The following GPBP1L1 variants were observed in gnomAD, a reference collection of about 807,000 sequenced individuals.
The protein encoded by GPBP1L1 is vasculin-like protein 1.
In GPBP1L1, 23 loss-of-function variants were observed where a neutral mutation model predicts 52.5. The ratio of observed to expected loss-of-function variants is 0.44; its 90% CI spans 0.32 to 0.62. The LOEUF is 0.62. GPBP1L1 is among the 20% of genes least tolerant of loss of function. The pLI, the probability that GPBP1L1 is intolerant of heterozygous loss-of-function variation, is 0.06. For synonymous variants in GPBP1L1, 243 were observed against 203.1 expected (o/e 1.20, Z -1.67); for missense variants, 596 against 579.3 (o/e 1.03, Z -0.30).
At chr1:45,673,043 A>G (rs1172710623) in intron 2 of GPBP1L1, among the ~76,000 whole-genome samples, 3 of 152,240 alleles carry the variant, frequency 2.0e-5, no homozygotes, top group Non-Finnish European at 2.9e-5. Flanking sequence ...TAAGTTTTTT[A>G]CTGCACTGAT....
At chr1:45,631,157 C>A (rs1362261861) in intron 10 of GPBP1L1, among the ~76,000 whole-genome samples, 2 of 151,466 alleles carry the variant, frequency 1.3e-5, no homozygotes, top group Non-Finnish European at 2.9e-5. Context: ...AAATGGGTCA[C>A]AGACCTAAAT....
At chr1:45,640,495 AG>A (rs1454617650) in intron 7 of GPBP1L1, 92 bp from the exon 8 acceptor site, 1 of 995,468 alleles carries the variant, frequency 1.0e-6, no homozygotes, top group Non-Finnish European at 1.6e-6. Context: ...TCAACAAAAC[AG>A]CTGACAGTTG....
At chr1:45,657,686 AC>A (rs1304546286) in intron 4 of GPBP1L1, among the ~76,000 whole-genome samples, 1 of 152,070 alleles carries the variant, frequency 6.6e-6, no homozygotes, top group Admixed American at 6.6e-5. Context: ...CCCTATCTCT[AC>A]AAAAAACCCA....
At chr1:45,630,783 A>G in intron 10 of GPBP1L1, 177 bp from the exon 11 acceptor site, 2 of 619,606 alleles carry the variant, frequency 3.2e-6, no homozygotes, top group Non-Finnish European at 2.8e-6. Context: ...AACTGATTCT[A>G]AAGTTTTAAT....
chr1:45,672,630 C>T (rs1645087626), intron 2 of GPBP1L1, among the ~76,000 whole-genome samples: 1 of 152,096 alleles, frequency 6.6e-6, no homozygotes, highest in Non-Finnish European at 1.5e-5. Flanking sequence ...GAAATACAGA[C>T]TGTAGACCAA....
At position 45,629,639 on chromosome 1, in the gene GPBP1L1, A is replaced by T; in HGVS notation, c.1209T>A (p.Asn403Lys). The T allele has an allele frequency of 6.2e-7, 1 of 1,613,338 alleles. No homozygotes were observed. The highest frequency in any genetic ancestry group is 8.5e-7 in the Non-Finnish European group (1 of 1,179,368). ...CTGTGAGGGGAAGGCAATTCTCATC[A>T]TTTTCAGGATATTCCTGCCAACCCA... The part of the protein sequence containing the change: ...KAMGWQEYPE[N>K]DENCLPLTED... The change falls in exon 12 of 13, where the codon AAT (asparagine) becomes AAA (lysine). Residue 403 changes from asparagine to lysine, a missense_variant. Coordinates refer to ENST00000355105, the MANE Select transcript of GPBP1L1 (RefSeq NM_021639.5).
chr1:45,664,876 G>A (rs369923892), intron 2 of GPBP1L1, among the ~76,000 whole-genome samples: 7 of 152,040 alleles, frequency 4.6e-5, no homozygotes, highest in African/African-American at 1.7e-4. Flanking sequence ...ATAGAGTTTC[G>A]CCATGTTAGC....
intron 6 of GPBP1L1, among the ~76,000 whole-genome samples, chr1:45,650,204 C>T (rs1312746336): frequency 6.6e-6 from 1 of 152,176 alleles, no homozygotes; most frequent in Non-Finnish European, 1.5e-5. Context: ...AGGTTTCAAA[C>T]ACATCCAAGT....
intron 8 of GPBP1L1, among the ~76,000 whole-genome samples, chr1:45,639,323 G>A (rs1395410618): frequency 1.3e-5 from 2 of 152,158 alleles, no homozygotes; most frequent in African/African-American, 4.8e-5. Context: ...AGCATAGAGA[G>A]AATAACAGGG....
In GPBP1L1 at chr1:45,630,876, C is replaced by T. The variant is rs534784437; in HGVS notation, c.1045-270G>A. On this transcript the variant is annotated intron_variant, in intron 10 of 12. Coordinates refer to ENST00000355105, the MANE Select transcript of GPBP1L1 (RefSeq NM_021639.5). The stretch of plus-strand genomic sequence containing the variant: ...TGATATTACCTGACATCAAGACTTA[C>T]CACAAAAGCTGGAGTAATTAAAACA... The T allele has an allele frequency of 7.1e-5, 28 of 395,410 alleles. No individual in the cohort carries two copies. In the Admixed American group the frequency reaches 1.1e-3, roughly 16 times the overall value. The allele number at this position is 395,410 out of a possible 1,614,324, so 24.5% of individuals were successfully genotyped here. A position where few individuals can be genotyped will look rare whatever the true frequency, so the allele number is the denominator to read the frequency against.
chr1:45,643,890 G>T (rs964985595), intron 6 of GPBP1L1, among the ~76,000 whole-genome samples: 1 of 151,802 alleles, frequency 6.6e-6, no homozygotes, highest in Admixed American at 6.6e-5. Context: ...GGCTGGTCTC[G>T]AACTGACCTC....
intron 2 of GPBP1L1, among the ~76,000 whole-genome samples, chr1:45,673,791 A>G (rs1557720563): frequency 6.6e-6 from 1 of 152,290 alleles, no homozygotes; most frequent in East Asian, 1.9e-4. Context: ...TCCGGGAGAC[A>G]GAGGTTGCAC....
Position 45,628,182 on chromosome 1 carries a change from G to GA in GPBP1L1, c.*73dup, listed in dbSNP as rs1307888452. 5.1e-6 allele frequency: 7 copies of GA among 1,381,620 alleles called. No homozygotes were observed. The highest frequency in any genetic ancestry group is 7.1e-6 in the Non-Finnish European group (7 of 991,324). 85.6% of individuals were successfully genotyped at this position (1,381,620 alleles called of 1,614,324 possible). A position where few individuals can be genotyped will look rare whatever the true frequency, so the allele number is the denominator to read the frequency against. ...ATTCAACAACATAAGAAAAGGAAAA[G>GA]AACGATTTCTTTTGTATACTCCCTA... On this transcript the variant is annotated 3_prime_UTR_variant, in exon 13 of 13. Transcript: ENST00000355105.
At chr1:45,682,226 T>C (rs934280621) in intron 2 of GPBP1L1, among the ~76,000 whole-genome samples, 7 of 152,204 alleles carry the variant, frequency 4.6e-5, no homozygotes, top group South Asian at 2.1e-4. Context: ...TTATAAACTT[T>C]AAAGATAGCA....
At chr1:45,680,050 A>G (rs1333190201) in intron 2 of GPBP1L1, among the ~76,000 whole-genome samples, 2 of 152,108 alleles carry the variant, frequency 1.3e-5, no homozygotes, top group Non-Finnish European at 2.9e-5. Context: ...ACTGCACTCC[A>G]ATCTGAGCAA....
intron 10 of GPBP1L1, chr1:45,630,900 C>T: frequency 2.7e-6 from 1 of 368,466 alleles, no homozygotes; most frequent in Non-Finnish European, 5.1e-6. Context: ...GTAATTAAAA[C>T]AGTATGGTAA....
chr1:45,665,133 T>C (rs1644994545), intron 2 of GPBP1L1, among the ~76,000 whole-genome samples: 1 of 151,938 alleles, frequency 6.6e-6, no homozygotes, highest in African/African-American at 2.4e-5. Flanking sequence ...CTACTATAAA[T>C]ACAAAAATTC....
chr1:45,651,482 C>T (rs760282799), intron 6 of GPBP1L1: 13 of 463,138 alleles, frequency 2.8e-5, no homozygotes, highest in Non-Finnish European at 4.3e-5. Context: ...TCAGCCTGGG[C>T]CAATAGCCTC....
intron 6 of GPBP1L1, 57 bp from the exon 7 acceptor site, chr1:45,642,556 T>G (rs747176578): frequency 3.0e-6 from 4 of 1,327,600 alleles, no homozygotes; most frequent in Non-Finnish European, 4.3e-6. Context: ...TTGGCACTTT[T>G]CACAAAGTAG....
Sources: gnomAD v4.1 joint callset for allele counts (sites outside exome capture counted in the v4.1 genomes callset) on GRCh38, gnomAD v4.1.1 for gene constraint, MANE v1.5 for transcripts, NCBI Gene and HGNC (gene_info 2026-07-23, HGNC 2026-07-21) for gene names.